CFAP46: variants seen among roughly 807,000 people sequenced by gnomAD.
CFAP46 encodes the protein cilia and flagella associated protein 46.
In CFAP46, 245 loss-of-function variants were observed where a neutral mutation model predicts 325.7. The ratio of observed to expected loss-of-function variants is 0.75; its 90% CI spans 0.68 to 0.84. The LOEUF (loss-of-function observed/expected upper bound fraction) is 0.84, where lower values mean the gene tolerates loss of function less well. CFAP46 is among the 40% of genes least tolerant of loss of function. The pLI, the probability that CFAP46 is intolerant of heterozygous loss-of-function variation, is 0.00. For synonymous variants in CFAP46, 1,523 were observed against 1,495.9 expected (o/e 1.02, Z -0.42); for missense variants, 3,346 against 3,543.0 (o/e 0.94, Z 1.41).
chr10:132,810,375 G>A (rs1361129594), intron 57 of CFAP46, 34 bp downstream of exon 57: 6 of 1,601,770 alleles, frequency 3.7e-6, no homozygotes, highest in African/African-American at 2.7e-5. Flanking sequence ...AGAGGGTGCT[G>A]AAGGCCGCGG....
intron 31 of CFAP46, among the ~76,000 whole-genome samples, chr10:132,875,665 C>A (rs533405953): frequency 1.8e-4 from 27 of 152,272 alleles, no homozygotes; most frequent in South Asian, 2.1e-4. Flanking sequence ...AATGGGACAC[C>A]CTGACTGCCA....
intron 19 of CFAP46, among the ~76,000 whole-genome samples, chr10:132,910,619 C>T (rs1473055309): frequency 2.0e-5 from 3 of 152,200 alleles, no homozygotes; most frequent in East Asian, 3.9e-4. Flanking sequence ...TCGTGAGGAT[C>T]GGTGAGTCCT....
At chr10:132,853,539 T>G (rs1848593493) in intron 39 of CFAP46, among the ~76,000 whole-genome samples, 1 of 152,188 alleles carries the variant, frequency 6.6e-6, no homozygotes, top group Non-Finnish European at 1.5e-5. Context: ...ATAGAAAAAG[T>G]GGGATGTATT....
At chr10:132,881,533 C>T (rs1172280541) in intron 27 of CFAP46, among the ~76,000 whole-genome samples, 3 of 152,210 alleles carry the variant, frequency 2.0e-5, no homozygotes, top group Non-Finnish European at 2.9e-5. Context: ...TGGCCATCAT[C>T]GCTACAGAAT....
chr10:132,816,139 A>G (rs530536804), intron 50 of CFAP46, among the ~76,000 whole-genome samples: 18 of 151,970 alleles, frequency 1.2e-4, no homozygotes, highest in African/African-American at 3.4e-4. Flanking sequence ...GGGTTTTGCT[A>G]CGTTGATTCA....
At position 132,886,246 on chromosome 10, in the gene CFAP46, C is replaced by G. The variant is rs1365004835; in HGVS notation, c.3305-287G>C. On this transcript the variant is annotated intron_variant, in intron 25 of 57. Coordinates refer to ENST00000368586, the MANE Select transcript of CFAP46 (RefSeq NM_001200049.3). The surrounding 1 kb of genome is among the most constrained non-coding windows in gnomAD (Gnocchi z 5.8). ...ATCTCCTTGGAGAATTCTGCGTTCA[C>G]AAACACAGACCTGTGTTTCCACGTA... Among the ~76,000 whole-genome samples, 2 of 152,188 alleles carry G rather than the reference C, an allele frequency of 1.3e-5. No individual in the cohort carries two copies. The highest frequency in any genetic ancestry group is 3.9e-4 in the East Asian group (2 of 5,188).
intron 38 of CFAP46, among the ~76,000 whole-genome samples, chr10:132,858,358 C>T (rs71503765): frequency 1.5e-3 from 139 of 91,046 alleles, no homozygotes; most frequent in Middle Eastern, 5.6e-3. Flanking sequence ...GGAGGCAGGG[C>T]GGTGGGCGGG....
Position 132,860,830 on chromosome 10 carries a change from G to A in CFAP46, c.5043C>T (p.Thr1681=), listed in dbSNP as rs759037768. 1.3e-6 allele frequency: 2 copies of A among 1,551,086 alleles called. No homozygotes were observed. The highest frequency in any genetic ancestry group is 1.2e-5 in the South Asian group (1 of 84,064). The stretch of plus-strand genomic sequence containing the variant: ...CCATGGACAAGAGCGCCTCTGCCAG[G>A]GTCAGAGTGGAATTGTACCAGAACT... ...SEEFWYNSTL[T]LAEALLSMEH... is the part of the protein sequence containing the mutation. The change falls in exon 36 of 58, where the codon ACC becomes ACT. Residue 1681 remains threonine (T), a synonymous_variant. Transcript: ENST00000368586.
chr10:132,830,152 CT>C (rs545205799), intron 50 of CFAP46, among the ~76,000 whole-genome samples: 6 of 150,106 alleles, frequency 4.0e-5, no homozygotes, highest in Admixed American at 3.3e-4. Context: ...TTTCTTTTTT[CT>C]TTTTTTTTGA....
Position 132,919,572 on chromosome 10 carries a change from C to T in CFAP46, c.1731-130G>A, listed in dbSNP as rs1849689786. On this transcript the variant is annotated intron_variant, in intron 14 of 57. Coordinates refer to ENST00000368586, the MANE Select transcript of CFAP46 (RefSeq NM_001200049.3). This position sits in a 1 kb window ranked among gnomAD's most constrained non-coding sequence, Gnocchi z 9.7. The stretch of plus-strand genomic sequence containing the variant: ...TGCAGTTTCAAGGTGGCAAGGAGCC[C>T]GGCACTCGCGCTGGGTACGGCCTGG... 31 of 1,234,306 alleles carry T rather than the reference C, an allele frequency of 2.5e-5. No individual in the cohort carries two copies. Among genetic ancestry groups the T allele is most frequent in the African/African-American group, 1.1e-4 (7 of 65,578 alleles). 76.5% of individuals were successfully genotyped at this position (1,234,306 alleles called of 1,614,324 possible).
At position 132,872,663 on chromosome 10, in the gene CFAP46, G is replaced by A. The variant is rs996914287; in HGVS notation, c.4511+13C>T. 9 of 1,550,508 alleles carry A rather than the reference G, an allele frequency of 5.8e-6. No homozygotes were observed. The highest frequency in any genetic ancestry group is 7.0e-6 in the Non-Finnish European group (8 of 1,146,998). The stretch of plus-strand genomic sequence containing the variant: ...TTGGGGAAATCACACTCCGAAAAAG[G>A]AGCTGTACCCACCGAAGGTGGTAGA... On this transcript the variant is annotated intron_variant, in intron 32 of 57. Transcript: ENST00000368586.
intron 36 of CFAP46, 99 bp downstream of exon 36, chr10:132,860,683 T>A (rs1848708922): frequency 7.4e-7 from 1 of 1,345,800 alleles, no homozygotes; most frequent in African/African-American, 1.5e-5. Flanking sequence ...AGGCGTGTCA[T>A]CAGCGGTCTG....
Position 132,916,575 on chromosome 10 carries a change from C to G in CFAP46, c.2094G>C (p.Glu698Asp), listed in dbSNP as rs914400713. ...HPAGYVPEPP[E>D]VNAEWITYRT... ...TGTATGTGATCCACTCAGCATTCAC[C>G]TCCGGGGGCTCAGGCACGTAGCCAG... The change falls in exon 17 of 58, where the codon GAG becomes GAC. Residue 698 changes from glutamate (E) to aspartate (D), a missense_variant. Coordinates refer to ENST00000368586, the MANE Select transcript of CFAP46 (RefSeq NM_001200049.3). The G allele has an allele frequency of 6.5e-7, 1 of 1,548,014 alleles. No individual in the cohort carries two copies. The highest frequency in any genetic ancestry group is 1.4e-5 in the African/African-American group (1 of 72,952).
At chr10:132,864,698 C>CA (rs1848786594) in intron 35 of CFAP46, among the ~76,000 whole-genome samples, 16 of 132,696 alleles carry the variant, frequency 1.2e-4, no homozygotes, top group African/African-American at 4.7e-4. Flanking sequence ...CACCTGTCCC[C>CA]CTGCCTGAGA....
In CFAP46 at chr10:132,885,948, C is replaced by G; in HGVS notation, c.3316G>C (p.Asp1106His). 6.5e-7 allele frequency: 1 copy of G among 1,550,024 alleles called. No individual in the cohort carries two copies. The highest frequency in any genetic ancestry group is 8.7e-7 in the Non-Finnish European group (1 of 1,146,672). Reference sequence around the variant, plus strand: ...TAGAGCGCAGCACGGAGCGCCAGGTCGTCCTCAGCCCCTGGGAGGGAGAAG... The same window carrying G: ...TAGAGCGCAGCACGGAGCGCCAGGTGGTCCTCAGCCCCTGGGAGGGAGAAG... ...EGYFLPGAEDDLALRAALYGL... is the reference protein window; with the variant it reads ...EGYFLPGAEDHLALRAALYGL... Residue 1106 changes from aspartate to histidine, a missense_variant, in exon 26 of 58, where the codon GAC (aspartate) becomes CAC (histidine). Transcript: ENST00000368586.
chr10:132,909,857 G>A (rs1459272305), intron 20 of CFAP46, 62 bp downstream of exon 20: 4 of 1,352,004 alleles, frequency 3.0e-6, no homozygotes, highest in African/African-American at 3.0e-5. Context: ...ACCCCCGGCT[G>A]TCTCAGATCT....
At position 132,916,719 on chromosome 10, in the gene CFAP46, G is replaced by A. The variant is rs149784571; in HGVS notation, c.1987-37C>T. ...ACATGCGGTGGGAGGGGTCATGGGCGGAGCACGGGCCCAGCACCAGATAGG... is the reference window on the plus strand; with the variant it reads ...ACATGCGGTGGGAGGGGTCATGGGCAGAGCACGGGCCCAGCACCAGATAGG... On this transcript the variant is annotated intron_variant, in intron 16 of 57. Transcript: ENST00000368586. 866 of 1,420,196 alleles carry A rather than the reference G, an allele frequency of 6.1e-4. 9 individuals carry two copies. In the African/African-American group the frequency reaches 0.011, roughly 19 times the overall value. The allele number at this position is 1,420,196 out of a possible 1,614,324, so 88.0% of individuals were successfully genotyped here.
Position 132,866,059 on chromosome 10 carries a change from C to A in CFAP46, c.4856G>T (p.Arg1619Leu). The A allele has an allele frequency of 6.5e-7, 1 of 1,534,864 alleles. No individual in the cohort carries two copies. Among genetic ancestry groups the A allele is most frequent in the Non-Finnish European group, 8.8e-7 (1 of 1,139,258 alleles). Residue 1619 changes from arginine to leucine, a missense_variant, in exon 35 of 58, where the codon CGG (arginine) becomes CTG (leucine). Coordinates refer to ENST00000368586, the MANE Select transcript of CFAP46 (RefSeq NM_001200049.3). ...LLEMNLYQPA[R>L]LLLSEAYLAF... ...CAGGTAAGCCTCCGACAGGAGCAGC[C>A]GTGCAGGCTGGTACAGGTTCATCTC...
At chr10:132,924,334 A>T (rs1849774224) in intron 11 of CFAP46, among the ~76,000 whole-genome samples, 1 of 152,006 alleles carries the variant, frequency 6.6e-6, no homozygotes, top group Non-Finnish European at 1.5e-5. Context: ...CTCCTCCCTG[A>T]CGCTGGGCCC....
Sources: allele counts gnomAD v4.1 joint callset (sites outside exome capture counted in the v4.1 genomes callset), GRCh38; gene constraint gnomAD v4.1.1; non-coding constraint Gnocchi (gnomAD v3.1); transcripts MANE v1.5; gene names NCBI Gene and HGNC (gene_info 2026-07-23, HGNC 2026-07-21).